COL5A2: variants seen among roughly 807,000 people sequenced by gnomAD.
The protein encoded by COL5A2 is collagen alpha-2(V) chain.
A neutral mutation model predicts 208.2 loss-of-function variants in COL5A2; 23 were observed. That is an observed-to-expected ratio of 0.11 (90% CI 0.08 to 0.16). The LOEUF (loss-of-function observed/expected upper bound fraction) is 0.16, where lower values mean the gene tolerates loss of function less well. COL5A2 is among the 10% of genes least tolerant of loss of function. The pLI, the probability that COL5A2 is intolerant of heterozygous loss-of-function variation, is 1.00. For synonymous variants in COL5A2, 625 were observed against 628.5 expected, an observed-to-expected ratio of 0.99 and a Z score of 0.08; for missense variants, 1,590 against 1,956.4, an observed-to-expected ratio of 0.81 and a Z score of 3.53.
chr2:189,111,227 T>C (rs572816760), intron 1 of COL5A2, among the ~76,000 whole-genome samples: 11 of 114,560 alleles, frequency 9.6e-5, no homozygotes, highest in Admixed American at 8.7e-5. Context: ...TACACACACA[T>C]ATATATGTGT....
the COL5A2 span, among the ~76,000 whole-genome samples, chr2:189,354,260 G>A: frequency 6.6e-6 from 1 of 152,086 alleles, no homozygotes; most frequent in African/African-American, 2.4e-5. Context: ...TTGTGTCTCT[G>A]CCAGGTTTTG....
the COL5A2 span, among the ~76,000 whole-genome samples, chr2:189,357,844 C>T: frequency 0.14 from 21,371 of 151,626 alleles, 1,936 homozygotes; most frequent in South Asian, 0.21. Flanking sequence ...ACCCAGGACC[C>T]TGGTGGCATA....
the COL5A2 span, among the ~76,000 whole-genome samples, chr2:189,301,360 A>G: frequency 6.6e-6 from 1 of 152,232 alleles, no homozygotes; most frequent in Admixed American, 6.5e-5. Flanking sequence ...ACTTAAAGCC[A>G]AGTAAAATAA....
the COL5A2 span, among the ~76,000 whole-genome samples, chr2:189,238,015 T>C: frequency 6.6e-6 from 1 of 151,902 alleles, no homozygotes; most frequent in Admixed American, 6.6e-5. Flanking sequence ...ATTGAAATTG[T>C]CCATGGGTCT....
intron 3 of COL5A2, among the ~76,000 whole-genome samples, chr2:189,103,340 T>A (rs1304101791): frequency 1.3e-5 from 2 of 152,124 alleles, no homozygotes; most frequent in Admixed American, 6.6e-5. Context: ...TGTGTAAAAC[T>A]GGCCAGGATC....
At chr2:189,195,320 C>CA (rs1345473035) in intron 1 of COL5A2, among the ~76,000 whole-genome samples, 4 of 152,070 alleles carry the variant, frequency 2.6e-5, no homozygotes, top group Non-Finnish European at 4.4e-5. Context: ...AGAGAGGACA[C>CA]AAACAAAGGA....
chr2:189,417,460 G>T, the COL5A2 span, among the ~76,000 whole-genome samples: 2 of 148,090 alleles, frequency 1.4e-5, no homozygotes, highest in Non-Finnish European at 3.0e-5. Context: ...ACATTTGGTT[G>T]ACTATTCCAT....
At chr2:189,231,575 C>T in the COL5A2 span, among the ~76,000 whole-genome samples, 1 of 151,550 alleles carries the variant, frequency 6.6e-6, no homozygotes, top group South Asian at 2.1e-4. Flanking sequence ...TATGTTCATA[C>T]AGAACAAGCC....
At chr2:189,153,264 G>A (rs1688180750) in intron 1 of COL5A2, among the ~76,000 whole-genome samples, 1 of 152,168 alleles carries the variant, frequency 6.6e-6, no homozygotes, top group Non-Finnish European at 1.5e-5. Context: ...GGAGTCAGAT[G>A]GAGAAGAAAC....
At chr2:189,042,938 G>A (rs1464598517) in intron 48 of COL5A2, among the ~76,000 whole-genome samples, 165 bp from the exon 49 acceptor site, 1 of 152,180 alleles carries the variant, frequency 6.6e-6, no homozygotes, top group Non-Finnish European at 1.5e-5. Flanking sequence ...ACACCTGTAG[G>A]AGTAACAGTG....
At chr2:189,110,191 G>A in intron 2 of COL5A2, 34 bp downstream of exon 2, 1 of 1,401,172 alleles carries the variant, frequency 7.1e-7, no homozygotes, top group Non-Finnish European at 1.0e-6. Context: ...GTGAGTAACT[G>A]GATCAATTAT....
chr2:189,194,369 C>T (rs557522175), intron 1 of COL5A2, among the ~76,000 whole-genome samples: 25 of 152,150 alleles, frequency 1.6e-4, no homozygotes, highest in Non-Finnish European at 3.2e-4. Context: ...AACCCACTAC[C>T]CTAATATAAT....
chr2:189,401,233 G>C, the COL5A2 span, among the ~76,000 whole-genome samples: 1 of 151,938 alleles, frequency 6.6e-6, no homozygotes, highest in Admixed American at 6.6e-5. Flanking sequence ...TCTCTGACAG[G>C]CATTAGTGTG....
At chr2:189,324,843 T>A in the COL5A2 span, among the ~76,000 whole-genome samples, 1 of 152,192 alleles carries the variant, frequency 6.6e-6, no homozygotes, top group Non-Finnish European at 1.5e-5. Flanking sequence ...ATATAAATCA[T>A]GCTACTATAA....
the COL5A2 span, among the ~76,000 whole-genome samples, chr2:189,308,811 C>T: frequency 6.6e-6 from 1 of 152,162 alleles, no homozygotes; most frequent in Non-Finnish European, 1.5e-5. Context: ...TGGACCGAAA[C>T]AAATTCATGT....
Position 189,058,900 on chromosome 2 carries a change from A to C in COL5A2, c.2086-7T>G. 6.6e-7 allele frequency: 1 copy of C among 1,508,868 alleles called. No individual in the cohort carries two copies. The highest frequency in any genetic ancestry group is 8.9e-7 in the Non-Finnish European group (1 of 1,127,622). The allele number at this position is 1,508,868 out of a possible 1,614,324, so 93.5% of individuals were successfully genotyped here. On this transcript the variant is annotated splice_region_variant and splice_polypyrimidine_tract_variant and intron_variant, in intron 31 of 53. Transcript: ENST00000374866. ...CGGGATCTCCAGGAACACCCTATAA[A>C]CACATTTTTTTTTTTTAATGGAACA...
At chr2:189,093,209 G>A (rs547971790) in intron 6 of COL5A2, among the ~76,000 whole-genome samples, 31 of 152,228 alleles carry the variant, frequency 2.0e-4, no homozygotes, top group African/African-American at 6.5e-4. Context: ...GAAATGCTCC[G>A]TCCTCTAACC....
chr2:189,079,090 A>G lies in COL5A2; in HGVS notation c.978T>C (p.Thr326=), dbSNP rs1053327487. The stretch of plus-strand genomic sequence containing the variant: ...GAGGACCCATGGCACCCATTGGACC[A>G]GTGGGGCCAGCTTCACCCTAAAAAA... The part of the protein sequence containing the change: ...APGSKGEAGP[T]GPMGAMGPLG... Residue 326 remains threonine (T), a synonymous_variant, in exon 15 of 54, where the codon ACT becomes ACC. Coordinates refer to ENST00000374866, the MANE Select transcript of COL5A2 (RefSeq NM_000393.5). 1.9e-6 allele frequency: 3 copies of G among 1,613,082 alleles called. No homozygotes were observed. In the African/African-American group the frequency reaches 4.0e-5, roughly 22 times the overall value.
intron 1 of COL5A2, among the ~76,000 whole-genome samples, chr2:189,218,064 G>A (rs1231806938): frequency 6.6e-6 from 1 of 152,166 alleles, no homozygotes; most frequent in Non-Finnish European, 1.5e-5. Context: ...GGTTTGCTCA[G>A]TGGTTCCTTT....
Sources: allele counts gnomAD v4.1 joint callset (sites outside exome capture counted in the v4.1 genomes callset), GRCh38; gene constraint gnomAD v4.1.1; transcripts MANE v1.5; gene names NCBI Gene and HGNC (gene_info 2026-07-23, HGNC 2026-07-21).